Variants in CAMKK1 observed in about 807,000 individuals in gnomAD.
The protein encoded by CAMKK1 is calcium/calmodulin dependent protein kinase kinase 1, also known as calcium/calmodulin-dependent protein kinase kinase 1.
CAMKK1 carries 20 observed loss-of-function variants against 63.5 expected under a neutral mutation model. The observed-to-expected ratio is 0.32, with a 90% CI of 0.22 to 0.46. The LOEUF (loss-of-function observed/expected upper bound fraction) is 0.46, where lower values mean the gene tolerates loss of function less well. Among genes scored for constraint, CAMKK1 ranks in the 20% least tolerant of loss-of-function variants. The pLI is 1.00. For missense variants in CAMKK1, 588 were observed against 658.1 expected (o/e 0.89, Z 1.17); for synonymous variants, 253 against 269.0 (o/e 0.94, Z 0.58).
rs1409647450 is a variant in CAMKK1, at chr17:3,887,500, A to T, written c.-43-1770T>A. Reference sequence around the variant, plus strand: ...GGAGGTGAAGGAGGTGAGGAGGCTGAGTGAGGCTAGAGTATCAGGGAGGCC... The same window carrying T: ...GGAGGTGAAGGAGGTGAGGAGGCTGTGTGAGGCTAGAGTATCAGGGAGGCC... On this transcript the variant is annotated intron_variant, in intron 1 of 15. Transcript: ENST00000348335. This position sits in a 1 kb window ranked among gnomAD's most constrained non-coding sequence, Gnocchi z 6.1. Among the ~76,000 whole-genome samples, 1 of 147,394 alleles carries T rather than the reference A, an allele frequency of 6.8e-6. No individual in the cohort carries two copies. Among genetic ancestry groups the T allele is most frequent in the Non-Finnish European group, 1.5e-5 (1 of 66,658 alleles).
In CAMKK1 at chr17:3,883,620, G is replaced by C; in HGVS notation, c.463-140C>G. The C allele has an allele frequency of 1.2e-6, 1 of 818,000 alleles. No individual in the cohort carries two copies. Among genetic ancestry groups the C allele is most frequent in the South Asian group, 1.5e-5 (1 of 68,868 alleles). 50.7% of individuals were successfully genotyped at this position (818,000 alleles called of 1,614,324 possible). A position where few individuals can be genotyped will look rare whatever the true frequency, so the allele number is the denominator to read the frequency against. On this transcript the variant is annotated intron_variant, in intron 4 of 15. Coordinates refer to ENST00000348335, the MANE Select transcript of CAMKK1 (RefSeq NM_032294.3). The surrounding 1 kb of genome is among the most constrained non-coding windows in gnomAD (Gnocchi z 4.7). ...AGGGTGTGGCCCAGGTAAGTGTTAA[G>C]CGGGGTTGGGGGTGGCCATATCTGA... is the stretch of plus-strand genomic sequence containing the variant.
rs959099990 is a variant in CAMKK1, at chr17:3,890,415, C to T, written c.-44+2524G>A. ...GATGGTCTCCAGGCCTCATCCTCTG[C>T]CCCTCCTCATCCTCCACACCAGGTC... is the stretch of plus-strand genomic sequence containing the variant. On this transcript the variant is annotated intron_variant, in intron 1 of 15. Transcript: ENST00000348335. This position sits in a 1 kb window ranked among gnomAD's most constrained non-coding sequence, Gnocchi z 6.5. 5.3e-5 allele frequency among the ~76,000 whole-genome samples: 8 copies of T among 152,122 alleles called. No individual in the cohort carries two copies. Among genetic ancestry groups the T allele is most frequent in the Non-Finnish European group, 1.0e-4 (7 of 68,012 alleles).
chr17:3,868,553 T>C (rs1424067617), intron 14 of CAMKK1, among the ~76,000 whole-genome samples: 1 of 152,188 alleles, frequency 6.6e-6, no homozygotes, highest in African/African-American at 2.4e-5. Context: ...CTCGGCACCT[T>C]GTGCAGTGCC....
At chr17:3,865,405 G>A (rs2054479557) in intron 15 of CAMKK1, 2 of 991,004 alleles carry the variant, frequency 2.0e-6, no homozygotes, top group African/African-American at 1.7e-5. Context: ...AGCAATGGCT[G>A]CAGGCAGCCT....
chr17:3,883,331 T>C lies in CAMKK1; in HGVS notation c.514+98A>G. On this transcript the variant is annotated intron_variant, in intron 5 of 15. Transcript: ENST00000348335. This position sits in a 1 kb window ranked among gnomAD's most constrained non-coding sequence, Gnocchi z 4.7. ...CAGGCCTCTGCTCACGCTGTCTCCC[T>C]CTCTACCCCATTCCTAGCCAAAACT... 6.7e-7 allele frequency: 1 copy of C among 1,486,460 alleles called. No homozygotes were observed. Among genetic ancestry groups the C allele is most frequent in the East Asian group, 2.3e-5 (1 of 44,188 alleles). The allele number at this position is 1,486,460 out of a possible 1,614,324, so 92.1% of individuals were successfully genotyped here.
intron 15 of CAMKK1, chr17:3,865,384 C>T (rs913173857): frequency 1.0e-6 from 1 of 991,536 alleles, no homozygotes; most frequent in Non-Finnish European, 1.2e-6. Context: ...GCTGACTGGG[C>T]ACAGAGCCCC....
intron 10 of CAMKK1, among the ~76,000 whole-genome samples, chr17:3,873,713 T>A (rs1448678665): frequency 6.6e-6 from 1 of 152,126 alleles, no homozygotes; most frequent in South Asian, 2.1e-4. Flanking sequence ...ACCAGGTACG[T>A]TTCCAACTCA....
chr17:3,882,665 A>C lies in CAMKK1; in HGVS notation c.649-101T>G. On this transcript the variant is annotated intron_variant, in intron 6 of 15. Coordinates refer to ENST00000348335, the MANE Select transcript of CAMKK1 (RefSeq NM_032294.3). The surrounding 1 kb of genome is among the most constrained non-coding windows in gnomAD (Gnocchi z 4.3). The stretch of plus-strand genomic sequence containing the variant: ...GCCAGCCCCAGAACCCTTAGTATGC[A>C]TGCAACCACCCCAGACAAGGAAGCA... 1 of 1,093,896 alleles carries C rather than the reference A, an allele frequency of 9.1e-7. No individual in the cohort carries two copies. Among genetic ancestry groups the C allele is most frequent in the Non-Finnish European group, 1.4e-6 (1 of 734,828 alleles). 67.8% of individuals were successfully genotyped at this position (1,093,896 alleles called of 1,614,324 possible). A position where few individuals can be genotyped will look rare whatever the true frequency, so the allele number is the denominator to read the frequency against.
At chr17:3,871,755 C>T (rs1327505715) in intron 12 of CAMKK1, among the ~76,000 whole-genome samples, 2 of 151,082 alleles carry the variant, frequency 1.3e-5, no homozygotes, top group Admixed American at 6.6e-5. Flanking sequence ...AAGCAATTCT[C>T]GTGCTTCAGC....
In CAMKK1 at chr17:3,862,437, C is replaced by T. The variant is rs2054361362; in HGVS notation, c.1446-154G>A. On this transcript the variant is annotated intron_variant, in intron 15 of 15. Coordinates refer to ENST00000348335, the MANE Select transcript of CAMKK1 (RefSeq NM_032294.3). This position sits in a 1 kb window ranked among gnomAD's most constrained non-coding sequence, Gnocchi z 4.1. ...GCTTGGCCTCCCTCTGGCCTCCCTA[C>T]ATCACGGCAGTTGCTCCTTGCCGGT... Among the ~76,000 whole-genome samples the T allele has an allele frequency of 1.3e-5, 2 of 152,184 alleles. No individual in the cohort carries two copies. Among genetic ancestry groups the T allele is most frequent in the South Asian group, 2.1e-4 (1 of 4,832 alleles).
At chr17:3,880,863 T>A (rs2055381062) in intron 8 of CAMKK1, among the ~76,000 whole-genome samples, 1 of 152,130 alleles carries the variant, frequency 6.6e-6, no homozygotes, top group Admixed American at 6.6e-5. Flanking sequence ...TTTGTAAAAT[T>A]TTGGTTTCAG....
intron 14 of CAMKK1, among the ~76,000 whole-genome samples, chr17:3,867,506 G>A (rs920042091): frequency 6.6e-6 from 1 of 152,190 alleles, no homozygotes; most frequent in African/African-American, 2.4e-5. Flanking sequence ...GTTGAGCATT[G>A]ACCAGGGGGA....
In CAMKK1 at chr17:3,890,011, C is replaced by T. The variant is rs1304246273; in HGVS notation, c.-44+2928G>A. The stretch of plus-strand genomic sequence containing the variant: ...AGCCGAGGCAGGGGACCAGCTACAT[C>T]CAGGCGAGGGGATGGACAGCCGTGA... On this transcript the variant is annotated intron_variant, in intron 1 of 15. Transcript: ENST00000348335. This position sits in a 1 kb window ranked among gnomAD's most constrained non-coding sequence, Gnocchi z 6.5. Among the ~76,000 whole-genome samples, 1 of 152,242 alleles carries T rather than the reference C, an allele frequency of 6.6e-6. No individual in the cohort carries two copies. The highest frequency in any genetic ancestry group is 1.5e-5 in the Non-Finnish European group (1 of 68,046).
intron 1 of CAMKK1, among the ~76,000 whole-genome samples, chr17:3,886,216 G>A (rs1439730365): frequency 6.6e-6 from 1 of 152,108 alleles, no homozygotes; most frequent in East Asian, 1.9e-4. Flanking sequence ...AGACCCACCC[G>A]CCTCCTCCAG....
At position 3,892,188 on chromosome 17, in the gene CAMKK1, G is replaced by A. The variant is rs1007755118; in HGVS notation, c.-44+751C>T. ...AGCCTTCTCTGCACAGCCCTGCAAC[G>A]CCAAGACTTGAGCACACCCCCTCCC... On this transcript the variant is annotated intron_variant, in intron 1 of 15. Coordinates refer to ENST00000348335, the MANE Select transcript of CAMKK1 (RefSeq NM_032294.3). The surrounding 1 kb of genome is among the most constrained non-coding windows in gnomAD (Gnocchi z 7.5). Among the ~76,000 whole-genome samples the A allele has an allele frequency of 2.0e-5, 3 of 151,962 alleles. No homozygotes were observed. Among genetic ancestry groups the A allele is most frequent in the Admixed American group, 2.0e-4 (3 of 15,258 alleles).
Position 3,876,759 on chromosome 17 carries a change from T to G in CAMKK1, c.797-337A>C, listed in dbSNP as rs904915542. ...AGTTGTTGCTGTTTTTTTTTTTGGT[T>G]TTTTTTTTTTTTTTTTGAGACAGAG... On this transcript the variant is annotated intron_variant, in intron 9 of 15. Transcript: ENST00000348335. Among the ~76,000 whole-genome samples, 147 of 102,606 alleles carry G rather than the reference T, an allele frequency of 1.4e-3. 1 individual carries two copies. The highest frequency in any genetic ancestry group is 0.01 in the African/African-American group (137 of 13,406). 67.3% of individuals were successfully genotyped at this position (102,606 alleles called of 152,430 possible).
Position 3,872,630 on chromosome 17 carries a change from G to A in CAMKK1, c.1051-3C>T, listed in dbSNP as rs888302383. ...ATGAAATCGTCGATGAATGGGCACT[G>A]TGGGGTGGAGAGGCAGACAAAGGAT... is the stretch of plus-strand genomic sequence containing the variant. On this transcript the variant is annotated splice_polypyrimidine_tract_variant and splice_region_variant and intron_variant, in intron 11 of 15. Coordinates refer to ENST00000348335, the MANE Select transcript of CAMKK1 (RefSeq NM_032294.3). The A allele has an allele frequency of 2.5e-6, 4 of 1,613,340 alleles. No homozygotes were observed. The South Asian group carries it at 3.3e-5, about 13-fold the overall frequency.
Position 3,890,289 on chromosome 17 carries a change from G to A in CAMKK1, c.-44+2650C>T, listed in dbSNP as rs950013778. On this transcript the variant is annotated intron_variant, in intron 1 of 15. Coordinates refer to ENST00000348335, the MANE Select transcript of CAMKK1 (RefSeq NM_032294.3). This position sits in a 1 kb window ranked among gnomAD's most constrained non-coding sequence, Gnocchi z 6.5. ...GACGACTCCTGCTGTGAGGACGCCCGCTCCCACCATCCCTGGGGAGCCCCC... is the reference window on the plus strand; with the variant it reads ...GACGACTCCTGCTGTGAGGACGCCCACTCCCACCATCCCTGGGGAGCCCCC... Among the ~76,000 whole-genome samples the A allele has an allele frequency of 9.9e-5, 15 of 152,098 alleles. No individual in the cohort carries two copies. The highest frequency in any genetic ancestry group is 3.9e-4 in the East Asian group (2 of 5,190).
At chr17:3,877,648 C>T (rs577210076) in intron 9 of CAMKK1, among the ~76,000 whole-genome samples, 2 of 152,064 alleles carry the variant, frequency 1.3e-5, no homozygotes, top group Non-Finnish European at 1.5e-5. Context: ...AGGCGGGTGC[C>T]GTATAACAAT....
Sources: gnomAD v4.1 joint callset for allele counts (sites outside exome capture counted in the v4.1 genomes callset) on GRCh38, gnomAD v4.1.1 for gene constraint, Gnocchi (gnomAD v3.1) non-coding constraint, MANE v1.5 for transcripts, NCBI Gene and HGNC (gene_info 2026-07-23, HGNC 2026-07-21) for gene names.